Variants in MAP4K4 observed in about 807,000 individuals in gnomAD.
The protein encoded by MAP4K4 is mitogen-activated protein kinase kinase kinase kinase 4, also known as HPK/GCK-like kinase HGK.
MAP4K4 carries 38 observed loss-of-function variants against 189.6 expected under a neutral mutation model. That is an observed-to-expected ratio of 0.20 (90% CI 0.15 to 0.26). The LOEUF (loss-of-function observed/expected upper bound fraction) is 0.26, where lower values mean the gene tolerates loss of function less well. MAP4K4 is among the 10% of genes least tolerant of loss of function. The pLI, the probability that MAP4K4 is intolerant of heterozygous loss-of-function variation, is 1.00. For synonymous variants in MAP4K4, 610 were observed against 624.3 expected (o/e 0.98, Z 0.34); for missense variants, 1,054 against 1,726.9 (o/e 0.61, Z 6.91).
At chr2:101,873,805 C>CT (rs565632166) in intron 25 of MAP4K4, 41 bp downstream of exon 25, 1 of 1,408,254 alleles carries the variant, frequency 7.1e-7, no homozygotes, top group Non-Finnish European at 1.0e-6. Context: ...ACAAATGGGA[C>CT]TTTATCTTTG....
At chr2:101,892,922 G>A (rs2150376983) in exon 33 of MAP4K4, 1 of 456,384 alleles carries the variant, frequency 2.2e-6, no homozygotes, top group East Asian at 6.9e-5. Context: ...GTCGAGTTCT[G>A]AGTGGAAATA....
chr2:101,821,765 TTAAC>T lies in MAP4K4; in HGVS notation c.181-2160_181-2157del, dbSNP rs560836800. 9.2e-5 allele frequency among the ~76,000 whole-genome samples: 14 copies of T among 152,358 alleles called. 1 individual carries two copies. In the South Asian group the frequency reaches 1.9e-3, roughly 20 times the overall value. On this transcript the variant is annotated intron_variant, in intron 3 of 32. Coordinates refer to ENST00000324219, the Ensembl canonical transcript of MAP4K4. ...GTAAAAAATATGCTTTCTTCAATAA[TTAAC>T]TAGGTTACTGTAACTCTTACTTTAT... is the stretch of plus-strand genomic sequence containing the variant.
At chr2:101,800,113 C>G (rs1209117227) in intron 3 of MAP4K4, among the ~76,000 whole-genome samples, 7 of 136,688 alleles carry the variant, frequency 5.1e-5, no homozygotes, top group South Asian at 2.4e-4. Flanking sequence ...TCTTGTTGTT[C>G]TTCTCCTTAA....
chr2:101,698,457 C>T lies in MAP4K4; in HGVS notation c.58-16C>T, dbSNP rs746993193. On this transcript the variant is annotated splice_polypyrimidine_tract_variant and intron_variant, in intron 1 of 32. Coordinates refer to ENST00000324219, the Ensembl canonical transcript of MAP4K4. ...GCTTCTTTTAAATGATAACCCCTCC[C>T]CTCCTTCCTCTCCAGGATCCTGCTG... 6.2e-6 allele frequency: 10 copies of T among 1,609,790 alleles called. No individual in the cohort carries two copies. In the Admixed American group the frequency reaches 1.0e-4, roughly 16 times the overall value.
chr2:101,698,584 C>A, intron 2 of MAP4K4, 46 bp downstream of exon 2: 1 of 1,567,954 alleles, frequency 6.4e-7, no homozygotes, highest in Non-Finnish European at 8.8e-7. Flanking sequence ...GTGGAAACTT[C>A]TTATTGGGGG....
At chr2:101,854,155 TAAAG>T (rs1360997143) in intron 12 of MAP4K4, among the ~76,000 whole-genome samples, 4 of 152,100 alleles carry the variant, frequency 2.6e-5, no homozygotes, top group East Asian at 1.9e-4. Context: ...TCTCCAAAAA[TAAAG>T]AAAGAATACC....
At chr2:101,805,372 T>C (rs1034551822) in intron 3 of MAP4K4, among the ~76,000 whole-genome samples, 7 of 152,228 alleles carry the variant, frequency 4.6e-5, no homozygotes, top group Non-Finnish European at 7.3e-5. Context: ...TACGGTACTC[T>C]GTGTCTGGCT....
chr2:101,782,673 T>C (rs1049200456), intron 2 of MAP4K4, among the ~76,000 whole-genome samples: 1 of 152,138 alleles, frequency 6.6e-6, no homozygotes, highest in Non-Finnish European at 1.5e-5. Context: ...TTACTCCTGC[T>C]CTATTAGGAC....
chr2:101,759,142 G>GA (rs11424551), intron 2 of MAP4K4, among the ~76,000 whole-genome samples: 118,011 of 142,830 alleles, frequency 0.83, 48,885 homozygotes, highest in African/African-American at 0.94. Context: ...CAAAAAAAAA[G>GA]AAAAAAAAAA....
At chr2:101,698,110 G>A (rs754502187) in exon 1 of MAP4K4, 1 of 1,292,526 alleles carries the variant, frequency 7.7e-7, no homozygotes, top group South Asian at 1.3e-5. Context: ...CAAAAAGTCT[G>A]GTGGACATCG....
At position 101,698,146 on chromosome 2, in the gene MAP4K4, G is replaced by A. The variant is rs373240576; in HGVS notation, c.57+9G>A. On this transcript the variant is annotated intron_variant, in intron 1 of 32. Transcript: ENST00000324219. ...ACCTCTCCTCCCTGCGGGTGAGTGG[G>A]CCCGCGAGCGGGCGCGCGGGGAGCG... 4.1e-6 allele frequency: 5 copies of A among 1,208,352 alleles called. No individual in the cohort carries two copies. The highest frequency in any genetic ancestry group is 1.7e-5 in the South Asian group (1 of 59,920). 74.9% of individuals were successfully genotyped at this position (1,208,352 alleles called of 1,614,324 possible). A position where few individuals can be genotyped will look rare whatever the true frequency, so the allele number is the denominator to read the frequency against.
intron 18 of MAP4K4, 80 bp from the exon 19 acceptor site, chr2:101,866,348 C>A: frequency 7.3e-7 from 1 of 1,375,234 alleles, no homozygotes; most frequent in Non-Finnish European, 1.0e-6. Context: ...ATTGGATGGG[C>A]ACACCATGCA....
At chr2:101,865,138 G>C (rs1176187119) in intron 18 of MAP4K4, 102 bp downstream of exon 18, 2 of 677,066 alleles carry the variant, frequency 3.0e-6, no homozygotes, top group Admixed American at 3.3e-5. Context: ...ACGTTCTGGG[G>C]CTAAGAGATT....
At chr2:101,815,102 A>T (rs79429043) in intron 3 of MAP4K4, among the ~76,000 whole-genome samples, 4,748 of 152,354 alleles carry the variant, frequency 0.031, 258 homozygotes, top group African/African-American at 0.11. Context: ...AGCAATTGAG[A>T]TCAAACAAAA....
chr2:101,701,438 G>A (rs2149142432), intron 2 of MAP4K4, among the ~76,000 whole-genome samples: 1 of 152,262 alleles, frequency 6.6e-6, no homozygotes, highest in East Asian at 1.9e-4. Flanking sequence ...GAATTTCAAG[G>A]AGATGTTATT....
intron 2 of MAP4K4, among the ~76,000 whole-genome samples, chr2:101,738,417 G>T (rs1452845313): frequency 6.6e-6 from 1 of 152,108 alleles, no homozygotes; most frequent in Admixed American, 6.5e-5. Flanking sequence ...CTTACATGCA[G>T]ATTTTTAAAA....
intron 3 of MAP4K4, among the ~76,000 whole-genome samples, chr2:101,815,664 A>G (rs1308605007): frequency 6.6e-6 from 1 of 152,144 alleles, no homozygotes; most frequent in South Asian, 2.1e-4. Flanking sequence ...TTGTTCTGGG[A>G]TGAAGGTAGT....
intron 2 of MAP4K4, among the ~76,000 whole-genome samples, chr2:101,758,694 G>A (rs944140653): frequency 6.6e-6 from 1 of 152,110 alleles, no homozygotes; most frequent in South Asian, 2.1e-4. Flanking sequence ...GAGGAACTAC[G>A]TGGTCTAAAG....
intron 2 of MAP4K4, among the ~76,000 whole-genome samples, chr2:101,777,213 A>G (rs2084670581): frequency 6.6e-6 from 1 of 152,210 alleles, no homozygotes; most frequent in South Asian, 2.1e-4. Context: ...TTTCTCTATA[A>G]TCCAAGCATG....
Sources: allele counts gnomAD v4.1 joint callset (sites outside exome capture counted in the v4.1 genomes callset), GRCh38; gene constraint gnomAD v4.1.1; transcripts MANE v1.5; gene names NCBI Gene and HGNC (gene_info 2026-07-23, HGNC 2026-07-21).